Variants in PCDHGA2 observed in about 807,000 individuals in gnomAD.
The protein encoded by PCDHGA2 is protocadherin gamma-A2.
In PCDHGA2, 40 loss-of-function variants were observed where a neutral mutation model predicts 59.2. That is an observed-to-expected ratio of 0.68 (90% confidence interval 0.52 to 0.88). The LOEUF (loss-of-function observed/expected upper bound fraction) is 0.88, where lower values mean the gene tolerates loss of function less well. PCDHGA2 is among the 40% of genes least tolerant of loss of function. PCDHGA2 has a pLI of 0.00. For missense variants in PCDHGA2, 1,226 were observed against 1,204.0 expected, an observed-to-expected ratio of 1.02 and a Z score of -0.27; for synonymous variants, 560 against 526.0, an observed-to-expected ratio of 1.06 and a Z score of -0.89.
chr5:141,374,187 T>C (rs1770247069), intron 1 of PCDHGA2: 2 of 1,613,640 alleles, frequency 1.2e-6, no homozygotes, highest in Non-Finnish European at 1.7e-6. Context: ...CGCTACTCTA[T>C]TCCCGAGGAG....
At chr5:141,453,989 A>T (rs902043628) in intron 1 of PCDHGA2, among the ~76,000 whole-genome samples, 6 of 152,256 alleles carry the variant, frequency 3.9e-5, no homozygotes, top group African/African-American at 1.4e-4. Context: ...CCTTCCAGTG[A>T]TAAACCCACA....
intron 1 of PCDHGA2, among the ~76,000 whole-genome samples, chr5:141,463,839 T>C (rs1356261890): frequency 1.3e-5 from 2 of 152,240 alleles, no homozygotes; most frequent in African/African-American, 4.8e-5. Flanking sequence ...TTCCCAGTTG[T>C]TATAGTGGTA....
Position 141,348,708 on chromosome 5 carries a change from A to G in PCDHGA2, c.2424+7313A>G, listed in dbSNP as rs1758166279. Among the ~76,000 whole-genome samples, 6 of 152,308 alleles carry G rather than the reference A, an allele frequency of 3.9e-5. No homozygotes were observed. The South Asian group carries it at 1.2e-3, about 32-fold the overall frequency. On this transcript the variant is annotated intron_variant, in intron 1 of 3. Coordinates refer to ENST00000394576, the MANE Select transcript of PCDHGA2 (RefSeq NM_018915.4). Reference sequence around the variant, plus strand: ...TTTTTTGAAGAATGGGCAAGAATCCACTACAACAGAAAGGGAGGAGAAGTT... The same window carrying G: ...TTTTTTGAAGAATGGGCAAGAATCCGCTACAACAGAAAGGGAGGAGAAGTT...
intron 2 of PCDHGA2, among the ~76,000 whole-genome samples, chr5:141,501,136 G>A (rs909142955): frequency 6.6e-6 from 1 of 152,090 alleles, no homozygotes; most frequent in Non-Finnish European, 1.5e-5. Context: ...CTAAGTGCTG[G>A]GATTACAGGT....
intron 1 of PCDHGA2, chr5:141,399,577 T>C: frequency 1.2e-6 from 2 of 1,613,972 alleles, no homozygotes; most frequent in Non-Finnish European, 1.7e-6. Context: ...CGGCCAAGTC[T>C]CCTACTCTAT....
intron 1 of PCDHGA2, among the ~76,000 whole-genome samples, chr5:141,482,985 C>T (rs971017271): frequency 1.3e-5 from 2 of 151,372 alleles, no homozygotes; most frequent in East Asian, 1.9e-4. Context: ...CTTGAGAGGT[C>T]GAGGCAGGAG....
In PCDHGA2 at chr5:141,511,197, C is replaced by A; in HGVS notation, c.*24C>A. 1 of 1,613,140 alleles carries A rather than the reference C, an allele frequency of 6.2e-7. No individual in the cohort carries two copies. Among genetic ancestry groups the A allele is most frequent in the Non-Finnish European group, 8.5e-7 (1 of 1,179,524 alleles). Reference sequence around the variant, plus strand: ...AACATGGAGGCCAGGCCAAGAGCCACAGGGCGGCCTCTCCCCAACCAGCCC... The same window carrying A: ...AACATGGAGGCCAGGCCAAGAGCCAAAGGGCGGCCTCTCCCCAACCAGCCC... On this transcript the variant is annotated 3_prime_UTR_variant, in exon 4 of 4. Transcript: ENST00000394576.
At chr5:141,360,388 C>G in intron 1 of PCDHGA2, 1 of 1,613,908 alleles carries the variant, frequency 6.2e-7, no homozygotes, top group Non-Finnish European at 8.5e-7. Flanking sequence ...CGGAGACTTA[C>G]TTGTGAGTGA....
intron 1 of PCDHGA2, among the ~76,000 whole-genome samples, chr5:141,380,822 T>G (rs1446261285): frequency 1.3e-5 from 2 of 152,212 alleles, no homozygotes; most frequent in African/African-American, 4.8e-5. Flanking sequence ...AACTATGAAT[T>G]TTGAGGCATC....
At chr5:141,344,789 G>A (rs1757471687) in intron 1 of PCDHGA2, 2 of 1,613,948 alleles carry the variant, frequency 1.2e-6, no homozygotes, top group Non-Finnish European at 1.7e-6. Flanking sequence ...TGAGTGTTTG[G>A]GAGAACGTGC....
intron 1 of PCDHGA2, among the ~76,000 whole-genome samples, chr5:141,475,231 G>A (rs1188161872): frequency 6.6e-6 from 1 of 152,190 alleles, no homozygotes; most frequent in Admixed American, 6.5e-5. Flanking sequence ...AAAGGGAAAC[G>A]ATAGAGAGAG....
chr5:141,355,619 T>C, intron 1 of PCDHGA2: 3 of 1,613,950 alleles, frequency 1.9e-6, no homozygotes, highest in Non-Finnish European at 1.7e-6. Context: ...CAGAGGGAAA[T>C]AAAAGTTGCT....
chr5:141,399,909 A>G (rs1181363803), intron 1 of PCDHGA2: 6 of 1,612,410 alleles, frequency 3.7e-6, no homozygotes, highest in East Asian at 4.5e-5. Flanking sequence ...ACGCAGACTC[A>G]GGACACAACG....
intron 1 of PCDHGA2, among the ~76,000 whole-genome samples, chr5:141,445,953 T>C (rs550111391): frequency 2.0e-4 from 31 of 152,308 alleles, no homozygotes; most frequent in Middle Eastern, 3.4e-3. Flanking sequence ...CTCTGGCTGC[T>C]ATATGGAGAA....
chr5:141,426,704 A>C, intron 1 of PCDHGA2: 1 of 440,322 alleles, frequency 2.3e-6, no homozygotes, highest in South Asian at 1.6e-5. Context: ...TTGTTTTACA[A>C]ATCAATGAAC....
At chr5:141,465,979 G>C (rs779605313) in intron 1 of PCDHGA2, among the ~76,000 whole-genome samples, 26 of 151,846 alleles carry the variant, frequency 1.7e-4, no homozygotes, top group Non-Finnish European at 3.8e-4. Flanking sequence ...AAAATTAGCC[G>C]GGCATGGTGG....
chr5:141,402,944 G>A (rs1487270083), intron 1 of PCDHGA2: 2 of 1,592,136 alleles, frequency 1.3e-6, no homozygotes, highest in Non-Finnish European at 1.7e-6. Context: ...ATTCCAAAGC[G>A]AGGCAGCAAT....
intron 1 of PCDHGA2, among the ~76,000 whole-genome samples, chr5:141,453,258 T>A (rs1336801456): frequency 1.6e-4 from 25 of 152,096 alleles, no homozygotes; most frequent in Admixed American, 1.6e-3. Flanking sequence ...GGGCTGCAAG[T>A]GCACACCACC....
intron 1 of PCDHGA2, chr5:141,362,379 G>A (rs963441709): frequency 1.2e-5 from 19 of 1,614,004 alleles, no homozygotes; most frequent in Non-Finnish European, 1.5e-5. Flanking sequence ...AGGGTACATT[G>A]CCCTATTCCT....
Sources: allele counts gnomAD v4.1 joint callset (sites outside exome capture counted in the v4.1 genomes callset), GRCh38; gene constraint gnomAD v4.1.1; transcripts MANE v1.5; gene names NCBI Gene and HGNC (gene_info 2026-07-23, HGNC 2026-07-21).